TMC6: variants seen among roughly 807,000 people sequenced by gnomAD.
TMC6 encodes the protein transmembrane channel like 6.
In TMC6, 71 loss-of-function variants were observed where a neutral mutation model predicts 95.4. The ratio of observed to expected loss-of-function variants is 0.74; its 90% CI spans 0.61 to 0.91. The LOEUF is 0.91. Among genes scored for constraint, TMC6 ranks in the 40% least tolerant of loss-of-function variants. The probability of loss-of-function intolerance (pLI) is 0.00; values close to 1 mark genes in which losing one functional copy is unlikely to be tolerated. For synonymous variants in TMC6, 514 were observed against 483.1 expected (o/e 1.06, Z -0.84); for missense variants, 1,074 against 1,079.1 (o/e 1.00, Z 0.07).
rs1161826068 is a variant in TMC6 at position 78,125,899 on chromosome 17, G to A, written c.272-15C>T. The A allele has an allele frequency of 6.5e-7, 1 of 1,550,228 alleles. No individual in the cohort carries two copies. Among genetic ancestry groups the A allele is most frequent in the Non-Finnish European group, 8.7e-7 (1 of 1,146,816 alleles). On this transcript the variant is annotated splice_polypyrimidine_tract_variant and intron_variant, in intron 4 of 19. Coordinates refer to ENST00000590602, the MANE Select transcript of TMC6 (RefSeq NM_001127198.5). ...TCGGCTGCGGCCTATGGAGGCAGCTGGGCAGGGCCGGGCCGGGCAGGGCCA... is the reference window on the plus strand; with the variant it reads ...TCGGCTGCGGCCTATGGAGGCAGCTAGGCAGGGCCGGGCCGGGCAGGGCCA...
At chr17:78,123,912 G>C in intron 9 of TMC6, 77 bp downstream of exon 9, 1 of 1,562,762 alleles carries the variant, frequency 6.4e-7, no homozygotes, top group Non-Finnish European at 8.8e-7. Context: ...GAAGAGGGAA[G>C]AATCAATGAA....
chr17:78,124,214 T>C (rs1212998230), intron 8 of TMC6, 35 bp from the exon 9 acceptor site: 50 of 1,609,048 alleles, frequency 3.1e-5, no homozygotes, highest in Non-Finnish European at 4.2e-5. Flanking sequence ...TCAGGGACTT[T>C]CCCCACGCCC....
Position 78,126,449 on chromosome 17 carries a change from C to G in TMC6, c.181+75G>C, listed in dbSNP as rs1037154043. On this transcript the variant is annotated intron_variant, in intron 3 of 19. Coordinates refer to ENST00000590602, the MANE Select transcript of TMC6 (RefSeq NM_001127198.5). Reference sequence around the variant, plus strand: ...CCCACCCCATCCCAGGCCTGCAGAGCTGGGAGGCCCGTCCTGAGGGGCTGG... The same window carrying G: ...CCCACCCCATCCCAGGCCTGCAGAGGTGGGAGGCCCGTCCTGAGGGGCTGG... 8 of 1,608,436 alleles carry G rather than the reference C, an allele frequency of 5.0e-6. No individual in the cohort carries two copies. The South Asian group carries it at 8.8e-5, about 18-fold the overall frequency.
chr17:78,122,826 C>T lies in TMC6; in HGVS notation c.1083-77G>A. 1 of 1,551,660 alleles carries T rather than the reference C, an allele frequency of 6.4e-7. No homozygotes were observed. ...CCAAGGGGAGAAGGCAGACCGGATG[C>T]TCTGGGCAGCCAGACCCCACCACCC... On this transcript the variant is annotated intron_variant, in intron 9 of 19. Transcript: ENST00000590602. This position sits in a 1 kb window ranked among gnomAD's most constrained non-coding sequence, Gnocchi z 4.9.
At chr17:78,126,416 C>T (rs1327227939) in intron 3 of TMC6, 50 bp from the exon 4 acceptor site, 1 of 1,604,324 alleles carries the variant, frequency 6.2e-7, no homozygotes, top group East Asian at 2.2e-5. Flanking sequence ...CCATTGGCCA[C>T]AGTATCTCCC....
chr17:78,129,290 G>A (rs2074898317), upstream of TMC6, among the ~76,000 whole-genome samples: 1 of 152,136 alleles, frequency 6.6e-6, no homozygotes, highest in Non-Finnish European at 1.5e-5. The surrounding 1 kb of genome is among the most constrained non-coding windows in gnomAD (Gnocchi z 4.3). Flanking sequence ...AGGAGGACAC[G>A]CTGACACTTA....
intron 18 of TMC6, among the ~76,000 whole-genome samples, chr17:78,114,598 C>T (rs187028348): frequency 1.1e-3 from 160 of 152,196 alleles, no homozygotes; most frequent in African/African-American, 3.4e-3. Context: ...CGGGATTCCC[C>T]GCCCGGAGCT....
intron 16 of TMC6, 35 bp downstream of exon 16, chr17:78,117,767 A>G: frequency 6.3e-7 from 1 of 1,595,484 alleles, no homozygotes. Context: ...CCCCCAGATG[A>G]CACAGAAGGG....
chr17:78,132,218 A>G (rs1028650483), upstream of TMC6: 5 of 1,370,402 alleles, frequency 3.6e-6, no homozygotes, highest in Non-Finnish European at 1.0e-6. Flanking sequence ...CCCCCAGGTG[A>G]CTGTCAGCGG....
At chr17:78,115,865 A>C (rs1271062620) in intron 18 of TMC6, among the ~76,000 whole-genome samples, 1 of 100,184 alleles carries the variant, frequency 1.0e-5, no homozygotes, top group African/African-American at 4.2e-5. Context: ...GGGAGTGGGC[A>C]CAGGGGCGAA....
chr17:78,113,456 G>A (rs756140003), intron 19 of TMC6, 92 bp downstream of exon 19: 23 of 1,460,534 alleles, frequency 1.6e-5, no homozygotes, highest in South Asian at 1.4e-4. Flanking sequence ...CAGCAATGTC[G>A]TGGTGTAGCC....
At chr17:78,131,394 C>G (rs777529104), upstream of TMC6, 74 of 716,748 alleles carry the variant, frequency 1.0e-4, no homozygotes, top group Non-Finnish European at 1.5e-4. Context: ...GGTGGCAGAG[C>G]GGCAGACCCG....
rs1382970005 is a variant in TMC6 at position 78,113,194 on chromosome 17, T to G, written c.2372A>C (p.Glu791Ala). ...GAGCAGGGCAGGGGGTGCCGCAGCC[T>G]CCTCGGTTGTCCCAACCCTGCCAGA... is the stretch of plus-strand genomic sequence containing the variant. ...EERSRVGTTEEAAAPPALLTD... is the reference protein window; with the variant it reads ...EERSRVGTTEAAAAPPALLTD... Residue 791 changes from glutamate (E) to alanine (A), a missense_variant, in exon 20 of 20, where the codon GAG (glutamate) becomes GCG (alanine). Coordinates refer to ENST00000590602, the MANE Select transcript of TMC6 (RefSeq NM_001127198.5). 7 of 1,556,502 alleles carry G rather than the reference T, an allele frequency of 4.5e-6. No homozygotes were observed. The highest frequency in any genetic ancestry group is 4.1e-5 in the African/African-American group (3 of 73,838).
At chr17:78,116,491 T>A (rs757945949) in intron 18 of TMC6, among the ~76,000 whole-genome samples, 1 of 151,456 alleles carries the variant, frequency 6.6e-6, no homozygotes, top group Admixed American at 6.6e-5. Context: ...CAGGCTGGTC[T>A]CGAACTCCTG....
At position 78,113,025 on chromosome 17, in the gene TMC6, C is replaced by A; in HGVS notation, c.*123G>T. 2.6e-6 allele frequency: 3 copies of A among 1,167,296 alleles called. No individual in the cohort carries two copies. Among genetic ancestry groups the A allele is most frequent in the Non-Finnish European group, 3.7e-6 (3 of 809,350 alleles). The allele number at this position is 1,167,296 out of a possible 1,614,324, so 72.3% of individuals were successfully genotyped here. ...CCCACCCTTCCAGCTCCAGCCTAGGCGCAGCTGCGGCTTTCGAGAGGCGAA... is the reference window on the plus strand; with the variant it reads ...CCCACCCTTCCAGCTCCAGCCTAGGAGCAGCTGCGGCTTTCGAGAGGCGAA... On this transcript the variant is annotated 3_prime_UTR_variant, in exon 20 of 20. Transcript: ENST00000590602.
At chr17:78,126,247 G>C (rs774167398) in intron 4 of TMC6, 30 bp downstream of exon 4, 2 of 1,542,912 alleles carry the variant, frequency 1.3e-6, no homozygotes, top group South Asian at 2.4e-5. Context: ...CGGGGCCGGG[G>C]CCGAGGCCGA....
upstream of TMC6, chr17:78,131,897 C>A (rs1366890047): frequency 1.4e-6 from 2 of 1,468,302 alleles, no homozygotes; most frequent in Non-Finnish European, 1.8e-6. Context: ...TGCGGGAGCC[C>A]GCGGGGGTGC....
At position 78,124,845 on chromosome 17, in the gene TMC6, C is replaced by T. The variant is rs778893795; in HGVS notation, c.633+44G>A. The T allele has an allele frequency of 3.2e-6, 5 of 1,580,284 alleles. No individual in the cohort carries two copies. The African/African-American group carries it at 4.0e-5, about 13-fold the overall frequency. Reference sequence around the variant, plus strand: ...GAGGAGGCACTGAGGCCACCCCAGCCCTGCCCAGCCGCCCCAGCCCCAGGG... The same window carrying T: ...GAGGAGGCACTGAGGCCACCCCAGCTCTGCCCAGCCGCCCCAGCCCCAGGG... On this transcript the variant is annotated intron_variant, in intron 7 of 19. Transcript: ENST00000590602.
intron 13 of TMC6, chr17:78,120,017 AG>A (rs1161727845): frequency 5.1e-6 from 2 of 392,526 alleles, no homozygotes; most frequent in Non-Finnish European, 9.9e-6. Flanking sequence ...AAACACCAAG[AG>A]GAAAAAAACA....
Sources: allele counts gnomAD v4.1 joint callset (sites outside exome capture counted in the v4.1 genomes callset), GRCh38; gene constraint gnomAD v4.1.1; non-coding constraint Gnocchi (gnomAD v3.1); transcripts MANE v1.5; gene names NCBI Gene and HGNC (gene_info 2026-07-23, HGNC 2026-07-21).